The following EIF2S3 variants were observed in gnomAD, a reference collection of about 807,000 sequenced individuals.
EIF2S3 encodes the protein eukaryotic translation initiation factor 2 subunit gamma.
A neutral mutation model predicts 31.7 loss-of-function variants in EIF2S3; 2 were observed. The observed-to-expected ratio is 0.06, with a 90% CI of 0.03 to 0.20. The LOEUF (loss-of-function observed/expected upper bound fraction) is 0.20. Ranked by LOEUF, EIF2S3 falls within the 10% of genes least tolerant of loss-of-function variation. The probability of loss-of-function intolerance (pLI) is 1.00; values close to 1 mark genes in which losing one functional copy is unlikely to be tolerated. For synonymous variants in EIF2S3, 120 were observed against 126.7 expected, an observed-to-expected ratio of 0.95 and a Z score of 0.36; for missense variants, 96 against 359.3, an observed-to-expected ratio of 0.27 and a Z score of 5.92.
At chrX:24,066,117 A>G (rs778699285) in intron 8 of EIF2S3, 25 bp downstream of exon 8, 5 of 955,494 alleles carry the variant, frequency 5.2e-6, no homozygotes, top group Non-Finnish European at 5.5e-6. Flanking sequence ...GGTTGTTGTG[A>G]TTTTGGGTTT....
intron 11 of EIF2S3, among the ~76,000 whole-genome samples, chrX:24,075,802 T>A (rs1476295002): frequency 9.0e-6 from 1 of 111,357 alleles, no homozygotes; most frequent in African/African-American, 3.3e-5. Flanking sequence ...AGTGGCATGA[T>A]CATAGCTCAC....
At chrX:24,076,496 C>T (rs1378149861) in intron 11 of EIF2S3, among the ~76,000 whole-genome samples, 3 of 111,680 alleles carry the variant, frequency 2.7e-5, no homozygotes, top group Non-Finnish European at 3.8e-5. Context: ...ATCGTACCAC[C>T]GCACTCCAGA....
At position 24,067,493 on chromosome X, in the gene EIF2S3, C is replaced by CTTTT. The variant is rs11375396; in HGVS notation, c.868-455_868-452dup. ...CTGGTTTTGACAGTCTCGTTCACAT[C>CTTTT]TTTTTTTTTTTTTTTTTTTAAGAAT... On this transcript the variant is annotated intron_variant, in intron 8 of 11. Transcript: ENST00000253039. Among the ~76,000 whole-genome samples, 39 of 82,677 alleles carry CTTTT rather than the reference C, an allele frequency of 4.7e-4. 1 individual carries two copies. The highest frequency in any genetic ancestry group is 1.5e-3 in the African/African-American group (34 of 22,163). 71.8% of individuals were successfully genotyped at this position (82,677 alleles called of 115,157 possible).
chrX:24,058,906 G>A (rs1022977995), intron 4 of EIF2S3, among the ~76,000 whole-genome samples: 79 of 108,432 alleles, frequency 7.3e-4, no homozygotes, highest in African/African-American at 2.6e-3. Flanking sequence ...TATATTTTTA[G>A]TAGAGGTGGG....
rs879230822 is a variant in EIF2S3, at chrX:24,076,926, CTTTTTTT to C, written c.*156_*162del. The C allele has an allele frequency of 4.8e-4, 86 of 179,928 alleles. No homozygotes were observed. The highest frequency in any genetic ancestry group is 3.5e-3 in the African/African-American group (65 of 18,592). 14.8% of individuals were successfully genotyped at this position (179,928 alleles called of 1,213,427 possible). On this transcript the variant is annotated 3_prime_UTR_variant, in exon 12 of 12. Transcript: ENST00000253039. Reference sequence around the variant, plus strand: ...TAGTAGGTAACGGTAAGGTTATTCTCTTTTTTTTTTTTTTTTTTTTTGGTTATGAAAA... The same window carrying C: ...TAGTAGGTAACGGTAAGGTTATTCTCTTTTTTTTTTTTTTGGTTATGAAAA...
intron 11 of EIF2S3, among the ~76,000 whole-genome samples, chrX:24,074,694 T>C (rs1930723428): frequency 9.1e-6 from 1 of 110,063 alleles, no homozygotes; most frequent in Admixed American, 9.9e-5. Flanking sequence ...TTTATTTCCC[T>C]ATCTAGTTAT....
intron 9 of EIF2S3, among the ~76,000 whole-genome samples, chrX:24,071,120 A>T (rs768777626): frequency 9.4e-4 from 105 of 111,311 alleles, no homozygotes; most frequent in African/African-American, 3.2e-3. Flanking sequence ...TAGCTATTAT[A>T]TGAGTATAAA....
intron 10 of EIF2S3, among the ~76,000 whole-genome samples, chrX:24,072,077 A>C (rs939916251): frequency 2.7e-5 from 3 of 109,508 alleles, no homozygotes; most frequent in African/African-American, 6.6e-5. Flanking sequence ...GGGTTTCACT[A>C]TATGTTAGCC....
intron 7 of EIF2S3, among the ~76,000 whole-genome samples, chrX:24,065,353 A>G (rs1930555631): frequency 8.9e-6 from 1 of 111,738 alleles, no homozygotes; most frequent in Non-Finnish European, 1.9e-5. Flanking sequence ...GGTGGCTTTC[A>G]CCTGTAATCC....
intron 2 of EIF2S3, among the ~76,000 whole-genome samples, chrX:24,056,830 G>T (rs1188426288): frequency 8.9e-6 from 1 of 111,978 alleles, no homozygotes; most frequent in African/African-American, 3.2e-5. Context: ...TTGCATTCCA[G>T]CCTGGGCAGC....
chrX:24,065,037 G>A (rs1930550530), intron 7 of EIF2S3, among the ~76,000 whole-genome samples: 2 of 111,712 alleles, frequency 1.8e-5, no homozygotes, highest in African/African-American at 6.5e-5. Flanking sequence ...GTTCCTACAC[G>A]GGGATGTAGT....
chrX:24,074,704 T>A (rs5990021), intron 11 of EIF2S3, among the ~76,000 whole-genome samples: 5 of 110,083 alleles, frequency 4.5e-5, no homozygotes, highest in African/African-American at 1.7e-4. Context: ...TATCTAGTTA[T>A]AATATGGACT....
At chrX:24,072,022 C>G (rs986763091) in intron 10 of EIF2S3, among the ~76,000 whole-genome samples, 1 of 108,723 alleles carries the variant, frequency 9.2e-6, no homozygotes, top group African/African-American at 3.4e-5. Context: ...ACTACAGGCA[C>G]GCACCAGCAC....
chrX:24,074,348 A>G (rs1044911764), intron 11 of EIF2S3, among the ~76,000 whole-genome samples: 10 of 112,276 alleles, frequency 8.9e-5, no homozygotes, highest in African/African-American at 3.2e-4. Flanking sequence ...TCTCCTTTTC[A>G]GGAATCACAG....
rs1317045842 is a variant in EIF2S3 at position 24,078,168 on chromosome X, G to A, written c.*1383G>A. ...AGCCTCCCATGTAGCTGATATTACA[G>A]GCACTTGCCACCATACCCGGCTAAT... On this transcript the variant is annotated 3_prime_UTR_variant, in exon 12 of 12. Transcript: ENST00000253039. 9.1e-6 allele frequency among the ~76,000 whole-genome samples: 1 copy of A among 110,396 alleles called. No homozygotes were observed. The highest frequency in any genetic ancestry group is 1.9e-5 in the Non-Finnish European group (1 of 52,866).
intron 5 of EIF2S3, 61 bp from the exon 6 acceptor site, chrX:24,062,355 C>G (rs761737360): frequency 5.3e-6 from 6 of 1,127,204 alleles, no homozygotes; most frequent in Non-Finnish European, 7.0e-6. Context: ...TGGATTTGCC[C>G]GCCTATTCTG....
chrX:24,065,146 G>T (rs780764444), intron 7 of EIF2S3, among the ~76,000 whole-genome samples: 5 of 111,606 alleles, frequency 4.5e-5, no homozygotes, highest in African/African-American at 9.8e-5. Context: ...TGTAGTCCTA[G>T]TGTTTTATAG....
intron 8 of EIF2S3, among the ~76,000 whole-genome samples, chrX:24,067,067 G>GT (rs1226653859): frequency 2.7e-4 from 29 of 107,391 alleles, no homozygotes; most frequent in South Asian, 7.9e-4. Context: ...TCTGATAATA[G>GT]TTTTTTTTTT....
chrX:24,059,134 G>C lies in EIF2S3; in HGVS notation c.384-954G>C, dbSNP rs910214156. Among the ~76,000 whole-genome samples, 18 of 112,259 alleles carry C rather than the reference G, an allele frequency of 1.6e-4. 1 individual carries two copies. Among genetic ancestry groups the C allele is most frequent in the Non-Finnish European group, 2.4e-4 (13 of 53,296 alleles). On this transcript the variant is annotated intron_variant, in intron 4 of 11. Transcript: ENST00000253039. ...GCAAACTTTTTCCACAAAGGGCTAG[G>C]TAGTAAATATTTTCAGCTTTGCAAG...
Sources: allele counts gnomAD v4.1 joint callset (sites outside exome capture counted in the v4.1 genomes callset), GRCh38; gene constraint gnomAD v4.1.1; transcripts MANE v1.5; gene names NCBI Gene and HGNC (gene_info 2026-07-23, HGNC 2026-07-21).